Variants in CNTN4 observed in about 807,000 individuals in gnomAD.
CNTN4 encodes the protein contactin 4, also known as contactin-4.
CNTN4 carries 77 observed loss-of-function variants against 122.5 expected under a neutral mutation model. The observed-to-expected ratio is 0.63, with a 90% CI of 0.52 to 0.76. CNTN4 has a LOEUF of 0.76. CNTN4 is among the 30% of genes least tolerant of loss of function. The pLI is 0.00. For missense variants in CNTN4, 1,256 were observed against 1,259.1 expected, an observed-to-expected ratio of 1.00 and a Z score of 0.04; for synonymous variants, 512 against 447.0, an observed-to-expected ratio of 1.15 and a Z score of -1.83.
At chr3:2,663,886 T>A (rs2084024044) in intron 4 of CNTN4, among the ~76,000 whole-genome samples, 3 of 151,722 alleles carry the variant, frequency 2.0e-5, no homozygotes, top group Admixed American at 2.0e-4. Context: ...AGTAAAAGAG[T>A]CCTGTCCAAA....
chr3:2,333,741 G>T (rs1470224693), intron 2 of CNTN4, among the ~76,000 whole-genome samples: 1 of 152,168 alleles, frequency 6.6e-6, no homozygotes, highest in Non-Finnish European at 1.5e-5. Context: ...ACTGAAAAAT[G>T]CATTTAAATG....
At chr3:2,977,700 A>C (rs1444284891) in intron 13 of CNTN4, among the ~76,000 whole-genome samples, 1 of 152,208 alleles carries the variant, frequency 6.6e-6, no homozygotes, top group Non-Finnish European at 1.5e-5. Context: ...AAGGTCTAAC[A>C]GCCCTGGGGG....
intron 2 of CNTN4, among the ~76,000 whole-genome samples, chr3:2,219,434 T>C (rs1176419871): frequency 3.9e-5 from 6 of 152,176 alleles, no homozygotes; most frequent in African/African-American, 1.4e-4. Flanking sequence ...TACCTTTCAG[T>C]GTTACAGAAA....
intron 4 of CNTN4, among the ~76,000 whole-genome samples, chr3:2,735,044 G>A (rs530340103): frequency 6.6e-6 from 1 of 152,270 alleles, no homozygotes; most frequent in Admixed American, 6.5e-5. Context: ...ATATACCACT[G>A]TACTTGGTAC....
intron 4 of CNTN4, among the ~76,000 whole-genome samples, chr3:2,716,612 A>G (rs1231790775): frequency 6.6e-6 from 1 of 152,046 alleles, no homozygotes; most frequent in Admixed American, 6.6e-5. Flanking sequence ...GAAGAGATAC[A>G]CTCCATATGC....
chr3:2,432,605 CGTGTGTGTATGTGTGTATATATAT>C (rs2048115473), intron 3 of CNTN4, among the ~76,000 whole-genome samples: 1 of 147,216 alleles, frequency 6.8e-6, no homozygotes, highest in South Asian at 2.2e-4. Context: ...TGTGTGTGTG[CGTGTGTGTATGTGTGTATATATAT>C]GTGTGTGTAT....
At position 2,845,137 on chromosome 3, in the gene CNTN4, A is replaced by G. The variant is rs2093432517; in HGVS notation, c.455-21615A>G. 2.6e-5 allele frequency among the ~76,000 whole-genome samples: 4 copies of G among 152,168 alleles called. No individual in the cohort carries two copies. In the South Asian group the frequency reaches 8.3e-4, roughly 31 times the overall value. Reference sequence around the variant, plus strand: ...CCTTTGGAAAAGACTCAAGAAAAACAAGCCAATAAAAAAATTAAAGGTTCT... The same window carrying G: ...CCTTTGGAAAAGACTCAAGAAAAACGAGCCAATAAAAAAATTAAAGGTTCT... On this transcript the variant is annotated intron_variant, in intron 7 of 24. Transcript: ENST00000418658.
intron 3 of CNTN4, among the ~76,000 whole-genome samples, chr3:2,521,343 T>TCGGGCCCC (rs781282977): frequency 7.8e-6 from 1 of 128,304 alleles, no homozygotes. Flanking sequence ...CCTCTACCCA[T>TCGGGCCCC]CCCCCCCACC....
At chr3:2,242,257 A>T (rs11915735) in intron 2 of CNTN4, among the ~76,000 whole-genome samples, 1 of 152,086 alleles carries the variant, frequency 6.6e-6, no homozygotes, top group Non-Finnish European at 1.5e-5. Flanking sequence ...AGTAATGACA[A>T]CCATAATGGC....
At chr3:2,237,072 A>G (rs2039708004) in intron 2 of CNTN4, among the ~76,000 whole-genome samples, 1 of 152,138 alleles carries the variant, frequency 6.6e-6, no homozygotes, top group African/African-American at 2.4e-5. Flanking sequence ...AGGCCAATTG[A>G]AGAATTTTGG....
intron 2 of CNTN4, among the ~76,000 whole-genome samples, chr3:2,161,675 A>G (rs942753317): frequency 6.6e-6 from 1 of 152,224 alleles, no homozygotes; most frequent in African/African-American, 2.4e-5. Context: ...ACCGATTGAA[A>G]TGAGAGGTGA....
intron 2 of CNTN4, among the ~76,000 whole-genome samples, chr3:2,118,263 T>G (rs2033506758): frequency 2.0e-5 from 3 of 152,216 alleles, no homozygotes; most frequent in Admixed American, 2.0e-4. Context: ...AATACTGATA[T>G]CATATCAGAT....
intron 16 of CNTN4, 144 bp downstream of exon 16, chr3:3,031,119 A>C: frequency 9.1e-7 from 1 of 1,093,454 alleles, no homozygotes; most frequent in Non-Finnish European, 1.4e-6. Context: ...CTAACAGTCC[A>C]CAGAAGTTTC....
chr3:2,912,390 T>C (rs918606804), intron 12 of CNTN4, among the ~76,000 whole-genome samples: 25 of 152,268 alleles, frequency 1.6e-4, no homozygotes, highest in African/African-American at 6.0e-4. Context: ...AAACAAAAGC[T>C]GAATGAGTTT....
At chr3:2,960,568 T>G (rs1429812233) in intron 13 of CNTN4, among the ~76,000 whole-genome samples, 1 of 152,196 alleles carries the variant, frequency 6.6e-6, no homozygotes, top group African/African-American at 2.4e-5. Context: ...TTAGTTAGTA[T>G]TATTAGTGTT....
intron 4 of CNTN4, among the ~76,000 whole-genome samples, chr3:2,688,122 A>T (rs1206974591): frequency 3.3e-5 from 5 of 152,256 alleles, no homozygotes; most frequent in Non-Finnish European, 5.9e-5. Flanking sequence ...ATAACTTATT[A>T]AAATATGAAA....
chr3:2,136,224 C>G (rs1235295637), intron 2 of CNTN4, among the ~76,000 whole-genome samples: 1 of 152,162 alleles, frequency 6.6e-6, no homozygotes, highest in Non-Finnish European at 1.5e-5. Context: ...GTAGTTAATT[C>G]AAGGAAGACC....
At chr3:3,051,286 T>G (rs555421286) in intron 23 of CNTN4, among the ~76,000 whole-genome samples, 1 of 152,120 alleles carries the variant, frequency 6.6e-6, no homozygotes, top group Non-Finnish European at 1.5e-5. Flanking sequence ...CTAGATTATA[T>G]CAAATGCAAG....
intron 4 of CNTN4, among the ~76,000 whole-genome samples, chr3:2,608,315 C>T (rs564993044): frequency 8.4e-4 from 128 of 152,240 alleles, no homozygotes; most frequent in African/African-American, 3.0e-3. Flanking sequence ...GGCTCTTTTG[C>T]CAGGAGTGGT....
Sources: gnomAD v4.1 joint callset for allele counts (sites outside exome capture counted in the v4.1 genomes callset) on GRCh38, gnomAD v4.1.1 for gene constraint, MANE v1.5 for transcripts, NCBI Gene and HGNC (gene_info 2026-07-23, HGNC 2026-07-21) for gene names.